Variants in MICOS10 observed in about 807,000 individuals in gnomAD.
MICOS10 encodes the protein MICOS complex subunit MIC10.
In MICOS10, 5 loss-of-function variants were observed where a neutral mutation model predicts 13.4. That is an observed-to-expected ratio of 0.37 (90% CI 0.20 to 0.78). MICOS10 has a LOEUF of 0.78. Ranked by LOEUF, MICOS10 falls within the 30% of genes least tolerant of loss-of-function variation. The pLI, the probability that MICOS10 is intolerant of heterozygous loss-of-function variation, is 0.47. For missense variants in MICOS10, 101 were observed against 94.6 expected (o/e 1.07, Z -0.28); for synonymous variants, 35 against 33.6 (o/e 1.04, Z -0.15).
chr1:19,608,406 G>A (rs61740466), intron 1 of MICOS10: 287,399 of 1,253,168 alleles, frequency 0.23, 37,378 homozygotes, highest in East Asian at 0.58. Context: ...ATCCAACTCC[G>A]GGCCACAGGA....
At chr1:19,597,432 G>A (rs6686867) in intron 1 of MICOS10, among the ~76,000 whole-genome samples, 3,148 of 152,278 alleles carry the variant, frequency 0.021, 110 homozygotes, top group African/African-American at 0.072. Context: ...CCGGAGCCGC[G>A]GGGTTCTCCT....
chr1:19,597,065 G>C lies in MICOS10; in HGVS notation c.20G>C (p.Gly7Ala). The stretch of plus-strand genomic sequence containing the variant: ...GGGAACATGTCTGAGTCGGAGCTCG[G>C]CAGGAAGTGGGACCGGTGTCTGGCG... MSESEL[G>A]RKWDRCLADA... Residue 7 changes from glycine to alanine, a missense_variant, in exon 1 of 4, where the codon GGC (glycine) becomes GCC (alanine). Coordinates refer to ENST00000322753, the MANE Select transcript of MICOS10 (RefSeq NM_001032363.4). The C allele has an allele frequency of 6.3e-7, 1 of 1,595,010 alleles. No individual in the cohort carries two copies. Among genetic ancestry groups the C allele is most frequent in the South Asian group, 1.1e-5 (1 of 89,274 alleles).
chr1:19,619,805 T>G (rs2094896816), intron 1 of MICOS10, among the ~76,000 whole-genome samples: 1 of 152,210 alleles, frequency 6.6e-6, no homozygotes, highest in Admixed American at 6.5e-5. Context: ...TGCCAATTCT[T>G]TTTCCTCTCC....
At chr1:19,625,380 C>G (rs1185703004) in intron 3 of MICOS10, 7 of 1,288,566 alleles carry the variant, frequency 5.4e-6, no homozygotes, top group Non-Finnish European at 7.1e-6. Context: ...GGCCCTGCAC[C>G]TGCCATTTTA....
chr1:19,606,755 A>AAT (rs901191150), intron 1 of MICOS10, among the ~76,000 whole-genome samples: 6 of 152,106 alleles, frequency 3.9e-5, no homozygotes, highest in African/African-American at 1.4e-4. Flanking sequence ...TCTCCAAAAA[A>AAT]AAAAAGAAAG....
intron 1 of MICOS10, among the ~76,000 whole-genome samples, chr1:19,597,503 C>T (rs10917499): frequency 0.25 from 38,506 of 152,102 alleles, 5,831 homozygotes; most frequent in Non-Finnish European, 0.33. Context: ...ACGCTGCTCC[C>T]CGGCGGAAAC....
rs773668659 is a variant in MICOS10, at chr1:19,610,367, C to CTTTTT, written c.65-11707_65-11703dup. Among the ~76,000 whole-genome samples, 107 of 11,922 alleles carry CTTTTT rather than the reference C, an allele frequency of 9.0e-3. 3 individuals carry two copies. Among genetic ancestry groups the CTTTTT allele is most frequent in the Middle Eastern group, 0.1 (1 of 10 alleles). The allele number at this position is 11,922 out of a possible 152,430, so 7.8% of individuals were successfully genotyped here. A position where few individuals can be genotyped will look rare whatever the true frequency, so the allele number is the denominator to read the frequency against. On this transcript the variant is annotated intron_variant, in intron 1 of 3. Transcript: ENST00000322753. ...AGTCACCCCACCCCCCACCCCCCGG[C>CTTTTT]TTTTTTTTTTTTTTTTTTTTTTTTT...
rs764771084 is a variant in MICOS10 at position 19,626,444 on chromosome 1, G to C, written c.*43G>C. 1 of 1,611,864 alleles carries C rather than the reference G, an allele frequency of 6.2e-7. No homozygotes were observed. Among genetic ancestry groups the C allele is most frequent in the South Asian group, 1.1e-5 (1 of 90,930 alleles). On this transcript the variant is annotated 3_prime_UTR_variant, in exon 4 of 4. Coordinates refer to ENST00000322753, the MANE Select transcript of MICOS10 (RefSeq NM_001032363.4). Reference sequence around the variant, plus strand: ...CCAGCGGGAGGACAAGAGAAATCATGTTTATTCCTCAGGAATACTGAAGTG... The same window carrying C: ...CCAGCGGGAGGACAAGAGAAATCATCTTTATTCCTCAGGAATACTGAAGTG...
At chr1:19,605,294 CTATT>C (rs930570321) in intron 1 of MICOS10, among the ~76,000 whole-genome samples, 42 of 152,236 alleles carry the variant, frequency 2.8e-4, no homozygotes, top group Non-Finnish European at 5.0e-4. Flanking sequence ...ATACATTTTC[CTATT>C]TAAAGTGTAC....
intron 1 of MICOS10, among the ~76,000 whole-genome samples, chr1:19,604,763 G>T (rs1027847207): frequency 1.3e-5 from 2 of 152,182 alleles, no homozygotes; most frequent in African/African-American, 4.8e-5. Context: ...AGGTGAATAG[G>T]CACTGGCCCT....
chr1:19,611,826 G>T (rs922371752), intron 1 of MICOS10, among the ~76,000 whole-genome samples: 2 of 151,416 alleles, frequency 1.3e-5, no homozygotes, highest in Non-Finnish European at 2.9e-5. Context: ...ACAAAAATTA[G>T]CTGGGCGTGG....
chr1:19,625,045 G>T (rs2094917219), intron 3 of MICOS10, among the ~76,000 whole-genome samples: 1 of 152,196 alleles, frequency 6.6e-6, no homozygotes, highest in African/African-American at 2.4e-5. Flanking sequence ...AGACCTAGGT[G>T]CAAGCCTGTC....
In MICOS10 at chr1:19,627,749, AGGG is replaced by A. The variant is rs2094926562; in HGVS notation, c.*1351_*1353del. On this transcript the variant is annotated 3_prime_UTR_variant, in exon 4 of 4. Transcript: ENST00000322753. ...GTGTAGGGGCAGGGGAAAGGCATGG[AGGG>A]GGAGGCTGGGCAATAGGGTACAACT... 6.6e-6 allele frequency: 1 copy of A among 152,380 alleles called. No homozygotes were observed. The highest frequency in any genetic ancestry group is 1.5e-5 in the Non-Finnish European group (1 of 68,162). The allele number at this position is 152,380 out of a possible 1,614,324, so 9.4% of individuals were successfully genotyped here. A position where few individuals can be genotyped will look rare whatever the true frequency, so the allele number is the denominator to read the frequency against.
At chr1:19,608,043 T>G (rs1051479641) in intron 1 of MICOS10, 8 of 741,640 alleles carry the variant, frequency 1.1e-5, no homozygotes, top group Non-Finnish European at 2.0e-5. Flanking sequence ...GTCGTAGACC[T>G]AAATATAAAA....
rs144510765 is a variant in MICOS10 at position 19,622,079 on chromosome 1, GT to G, written c.65-15del. 0.075 allele frequency: 120,595 copies of G among 1,597,582 alleles called. 4,937 individuals carry two copies. Among genetic ancestry groups the G allele is most frequent in the African/African-American group, 0.095 (7,106 of 74,584 alleles). On this transcript the variant is annotated intron_variant, in intron 1 of 3. Transcript: ENST00000322753. ...AAGTTACTGCTATGAGATTTAGCAT[GT>G]TTTTTCTCCCTCTTTGTAGGTACTG...
Position 19,626,436 on chromosome 1 carries a change from G to A in MICOS10, c.*35G>A. On this transcript the variant is annotated 3_prime_UTR_variant, in exon 4 of 4. Coordinates refer to ENST00000322753, the MANE Select transcript of MICOS10 (RefSeq NM_001032363.4). Reference sequence around the variant, plus strand: ...AGAACATCCCAGCGGGAGGACAAGAGAAATCATGTTTATTCCTCAGGAATA... The same window carrying A: ...AGAACATCCCAGCGGGAGGACAAGAAAAATCATGTTTATTCCTCAGGAATA... 6.2e-7 allele frequency: 1 copy of A among 1,613,204 alleles called. No homozygotes were observed. The highest frequency in any genetic ancestry group is 1.1e-5 in the South Asian group (1 of 91,004).
chr1:19,604,840 A>G (rs1357287836), intron 1 of MICOS10, among the ~76,000 whole-genome samples: 1 of 152,122 alleles, frequency 6.6e-6, no homozygotes, highest in East Asian at 1.9e-4. Flanking sequence ...CCCATTTTGG[A>G]AAATATGCAG....
intron 1 of MICOS10, chr1:19,608,475 G>T: frequency 8.0e-7 from 1 of 1,252,296 alleles, no homozygotes; most frequent in Non-Finnish European, 1.2e-6. Context: ...GCCCTTGCCT[G>T]CTCGGGTATG....
chr1:19,614,137 G>A (rs1029779514), intron 1 of MICOS10, among the ~76,000 whole-genome samples: 5 of 151,800 alleles, frequency 3.3e-5, no homozygotes, highest in East Asian at 1.9e-4. Flanking sequence ...GTGTGGTGGC[G>A]TGATGTCAGC....
Sources: gnomAD v4.1 joint callset for allele counts (sites outside exome capture counted in the v4.1 genomes callset) on GRCh38, gnomAD v4.1.1 for gene constraint, MANE v1.5 for transcripts, NCBI Gene and HGNC (gene_info 2026-07-23, HGNC 2026-07-21) for gene names.